The following CLINT1 variants were observed in gnomAD, a reference collection of about 807,000 sequenced individuals.
CLINT1 encodes the protein clathrin interactor 1.
CLINT1 carries 15 observed loss-of-function variants against 70.4 expected under a neutral mutation model. That is an observed-to-expected ratio of 0.21 (90% CI 0.14 to 0.33). CLINT1 has a LOEUF of 0.33. Among genes scored for constraint, CLINT1 ranks in the 10% least tolerant of loss-of-function variants. The pLI is 1.00. For missense variants in CLINT1, 615 were observed against 778.1 expected, an observed-to-expected ratio of 0.79 and a Z score of 2.49; for synonymous variants, 227 against 254.7, an observed-to-expected ratio of 0.89 and a Z score of 1.04.
intron 1 of CLINT1, among the ~76,000 whole-genome samples, chr5:157,822,067 C>T (rs1762894074): frequency 1.3e-5 from 2 of 152,126 alleles, no homozygotes; most frequent in South Asian, 4.1e-4. Flanking sequence ...TTGGCTGTGT[C>T]CCCACCCAAA....
At position 157,787,134 on chromosome 5, in the gene CLINT1, C is replaced by CT. The variant is rs561862877; in HGVS notation, c.*511dup. The CT allele has an allele frequency of 2.8e-4, 42 of 151,012 alleles. No individual in the cohort carries two copies. Among genetic ancestry groups the CT allele is most frequent in the Admixed American group, 4.6e-4 (7 of 15,218 alleles). 9.4% of individuals were successfully genotyped at this position (151,012 alleles called of 1,614,324 possible). A position where few individuals can be genotyped will look rare whatever the true frequency, so the allele number is the denominator to read the frequency against. On this transcript the variant is annotated 3_prime_UTR_variant, in exon 12 of 12. Coordinates refer to ENST00000411809, the MANE Select transcript of CLINT1 (RefSeq NM_014666.4). ...ATTTAGCCATAATCACATATGTATGCTTTTTTTTTTCTTGGACAAAAATAT... is the reference window on the plus strand; with the variant it reads ...ATTTAGCCATAATCACATATGTATGCTTTTTTTTTTTCTTGGACAAAAATAT...
chr5:157,821,898 T>C (rs975712608), intron 1 of CLINT1, among the ~76,000 whole-genome samples: 3 of 152,152 alleles, frequency 2.0e-5, no homozygotes, highest in African/African-American at 4.8e-5. Context: ...TGAAACTGTT[T>C]GTTGTTTCCA....
chr5:157,832,996 C>A (rs1763292137), intron 1 of CLINT1, among the ~76,000 whole-genome samples: 1 of 152,172 alleles, frequency 6.6e-6, no homozygotes, highest in African/African-American at 2.4e-5. Context: ...AAATACAAAT[C>A]CTTACTAATT....
At chr5:157,788,149 G>A (rs1761785518) in intron 11 of CLINT1, 157 bp from the exon 12 acceptor site, 1 of 688,610 alleles carries the variant, frequency 1.5e-6, no homozygotes, top group Admixed American at 2.2e-5. Flanking sequence ...CTCTGCACTG[G>A]TTCCTCTTGA....
rs1753579628 is a variant in CLINT1, at chr5:157,851,678, C to G, written c.41+7252G>C. Among the ~76,000 whole-genome samples the G allele has an allele frequency of 2.1e-5, 3 of 144,530 alleles. No individual in the cohort carries two copies. The South Asian group carries it at 6.7e-4, about 32-fold the overall frequency. The allele number at this position is 144,530 out of a possible 152,430, so 94.8% of individuals were successfully genotyped here. On this transcript the variant is annotated intron_variant, in intron 1 of 11. Transcript: ENST00000411809. Reference sequence around the variant, plus strand: ...CTCCAGCCTGAGTGACAGAGCAAGACCCCGTCTCAAAAAAAAAAAAAAAAA... The same window carrying G: ...CTCCAGCCTGAGTGACAGAGCAAGAGCCCGTCTCAAAAAAAAAAAAAAAAA...
rs1395497131 is a variant in CLINT1 at position 157,806,192 on chromosome 5, A to G, written c.696-80T>C. 4 of 1,427,350 alleles carry G rather than the reference A, an allele frequency of 2.8e-6. No individual in the cohort carries two copies. The East Asian group carries it at 9.5e-5, about 34-fold the overall frequency. 88.4% of individuals were successfully genotyped at this position (1,427,350 alleles called of 1,614,324 possible). A position where few individuals can be genotyped will look rare whatever the true frequency, so the allele number is the denominator to read the frequency against. ...GTCCCTCAGTGATTTGAGCTAAAGA[A>G]TTTCAAATACAGTAACTCCAAAATT... On this transcript the variant is annotated intron_variant, in intron 6 of 11. Transcript: ENST00000411809.
At chr5:157,838,770 T>C (rs189468251) in intron 1 of CLINT1, among the ~76,000 whole-genome samples, 10 of 152,358 alleles carry the variant, frequency 6.6e-5, no homozygotes, top group South Asian at 2.1e-4. Context: ...TATGGGAGCA[T>C]GTTATTGCCA....
intron 8 of CLINT1, among the ~76,000 whole-genome samples, chr5:157,797,550 T>C: frequency 6.6e-6 from 1 of 152,070 alleles, no homozygotes; most frequent in East Asian, 1.9e-4. Context: ...CACGCCCAAC[T>C]AATTTTTTTA....
chr5:157,809,997 T>C (rs1192913867), intron 5 of CLINT1, among the ~76,000 whole-genome samples, 192 bp from the exon 6 acceptor site: 1 of 152,198 alleles, frequency 6.6e-6, no homozygotes, highest in East Asian at 1.9e-4. Flanking sequence ...GTGGCAGGAA[T>C]GCAGATTCAA....
chr5:157,839,328 C>A (rs967314268), intron 1 of CLINT1, among the ~76,000 whole-genome samples: 1 of 151,734 alleles, frequency 6.6e-6, no homozygotes, highest in African/African-American at 2.4e-5. Flanking sequence ...AGGCCAGGTG[C>A]GGCGGCTTAC....
intron 1 of CLINT1, among the ~76,000 whole-genome samples, chr5:157,825,887 C>T (rs1763020357): frequency 6.6e-6 from 1 of 152,070 alleles, no homozygotes; most frequent in African/African-American, 2.4e-5. Context: ...GAGAAATGAA[C>T]CACAGAATTG....
intron 1 of CLINT1, among the ~76,000 whole-genome samples, chr5:157,845,574 C>T (rs558676820): frequency 1.2e-4 from 17 of 142,956 alleles, no homozygotes; most frequent in Non-Finnish European, 1.4e-4. Flanking sequence ...TTTTTTGAGA[C>T]GGAGTCTTGC....
chr5:157,825,004 C>T (rs572645023), intron 1 of CLINT1, among the ~76,000 whole-genome samples: 1 of 152,172 alleles, frequency 6.6e-6, no homozygotes, highest in African/African-American at 2.4e-5. Flanking sequence ...AATCATCTAA[C>T]TGAAAGGGAG....
At chr5:157,805,196 C>G (rs764008764) in intron 7 of CLINT1, among the ~76,000 whole-genome samples, 1 of 152,140 alleles carries the variant, frequency 6.6e-6, no homozygotes, top group Non-Finnish European at 1.5e-5. Context: ...CAGCTTTTAG[C>G]TATTTCTCTT....
At chr5:157,810,888 C>T (rs1406616428) in intron 5 of CLINT1, among the ~76,000 whole-genome samples, 1 of 152,106 alleles carries the variant, frequency 6.6e-6, no homozygotes, top group African/African-American at 2.4e-5. Context: ...TTGAACAAAA[C>T]GATTTTGCTG....
chr5:157,849,963 G>A (rs1021424491), intron 1 of CLINT1, among the ~76,000 whole-genome samples: 1 of 152,176 alleles, frequency 6.6e-6, no homozygotes, highest in Admixed American at 6.5e-5. Context: ...CATATCAGAG[G>A]CAGGAGATGA....
At chr5:157,852,297 T>C in intron 1 of CLINT1, among the ~76,000 whole-genome samples, 1 of 152,226 alleles carries the variant, frequency 6.6e-6, no homozygotes, top group East Asian at 1.9e-4. Flanking sequence ...CTTTGCAATA[T>C]TAAAGTAGAA....
chr5:157,794,725 T>G (rs961161160), intron 9 of CLINT1, among the ~76,000 whole-genome samples, 173 bp downstream of exon 9: 1 of 152,240 alleles, frequency 6.6e-6, no homozygotes, highest in African/African-American at 2.4e-5. Flanking sequence ...AATAATTCAT[T>G]TGGCACATTT....
Position 157,813,204 on chromosome 5 carries a change from T to C in CLINT1, c.376A>G (p.Ile126Val). 1.9e-6 allele frequency: 3 copies of C among 1,613,370 alleles called. No individual in the cohort carries two copies. The highest frequency in any genetic ancestry group is 1.7e-6 in the Non-Finnish European group (2 of 1,179,828). The change falls in exon 5 of 12, where the codon ATA becomes GTA. Residue 126 changes from isoleucine to valine, a missense_variant. By Grantham distance (29) the Ile-to-Val change is conservative. Coordinates refer to ENST00000411809, the MANE Select transcript of CLINT1 (RefSeq NM_014666.4). ...FVDEHGKDQG[I>V]NIRQKVKELV... ...TCCTTCACCTTCTGTCGAATATTTA[T>C]ACCTTGATCCTTACCATGCTCATCT... is the stretch of plus-strand genomic sequence containing the variant.
Sources: gnomAD v4.1 joint callset for allele counts (sites outside exome capture counted in the v4.1 genomes callset) on GRCh38, gnomAD v4.1.1 for gene constraint, MANE v1.5 for transcripts, NCBI Gene and HGNC (gene_info 2026-07-23, HGNC 2026-07-21) for gene names.